Variants in IL15RA observed in about 807,000 individuals in gnomAD.
IL15RA encodes the protein interleukin-15 receptor subunit alpha.
IL15RA carries 26 observed loss-of-function variants against 24.2 expected under a neutral mutation model. The ratio of observed to expected loss-of-function variants is 1.07; its 90% CI spans 0.79 to 1.49. IL15RA has a LOEUF of 1.49. Ranked by LOEUF, IL15RA falls within the 40% of genes most tolerant of loss-of-function variation. IL15RA has a pLI of 0.00. For synonymous variants in IL15RA, 166 were observed against 157.6 expected (o/e 1.05, Z -0.40); for missense variants, 354 against 356.4 (o/e 0.99, Z 0.05).
At position 5,953,042 on chromosome 10, in the gene IL15RA, A is replaced by C. The variant is rs745596081; in HGVS notation, c.*53T>G. ...CACCTCTTCTCAGTCGTCTTTAGCT[A>C]AAGCAGAGAGGCTCCTTCACTCCGG... On this transcript the variant is annotated 3_prime_UTR_variant, in exon 7 of 7. Transcript: ENST00000379977. This position sits in a 1 kb window ranked among gnomAD's most constrained non-coding sequence, Gnocchi z 5.3. 7.5e-6 allele frequency: 10 copies of C among 1,335,278 alleles called. No homozygotes were observed. Among genetic ancestry groups the C allele is most frequent in the Non-Finnish European group, 1.1e-5 (10 of 928,006 alleles). 82.7% of individuals were successfully genotyped at this position (1,335,278 alleles called of 1,614,324 possible). A position where few individuals can be genotyped will look rare whatever the true frequency, so the allele number is the denominator to read the frequency against.
chr10:5,977,988 T>G, upstream of IL15RA: 1 of 174,584 alleles, frequency 5.7e-6, no homozygotes, highest in Non-Finnish European at 1.2e-5. Flanking sequence ...CTGGTCTCCC[T>G]CCGCGGCCCT....
chr10:5,977,417 G>A lies in IL15RA; in HGVS notation c.76C>T (p.Pro26Ser). ...CCCAGCTCCCTACCCCGCGTCGCCG[G>A]CGGCCGGAGCAGCAGCAGCAGTAGC... Reference protein sequence around the residue: ...ALLLLLLLRPPATRGITCPPP... With the variant: ...ALLLLLLLRPSATRGITCPPP... The change falls in exon 1 of 7, where the codon CCG becomes TCG. Residue 26 changes from proline (P) to serine (S), a missense_variant. Coordinates refer to ENST00000379977, the MANE Select transcript of IL15RA (RefSeq NM_002189.4). The A allele has an allele frequency of 2.2e-6, 3 of 1,340,802 alleles. No homozygotes were observed. The highest frequency in any genetic ancestry group is 2.9e-6 in the Non-Finnish European group (3 of 1,047,966). 83.1% of individuals were successfully genotyped at this position (1,340,802 alleles called of 1,614,324 possible). A position where few individuals can be genotyped will look rare whatever the true frequency, so the allele number is the denominator to read the frequency against.
rs1307073748 is a variant in IL15RA at position 5,962,723 on chromosome 10, G to T, written c.382+1020C>A. The stretch of plus-strand genomic sequence containing the variant: ...GACAACTGACACTCCGCAAAGGATG[G>T]CTGAGTCCTGTAGTATGAATGACAA... On this transcript the variant is annotated intron_variant, in intron 3 of 6. Coordinates refer to ENST00000379977, the MANE Select transcript of IL15RA (RefSeq NM_002189.4). The surrounding 1 kb of genome is among the most constrained non-coding windows in gnomAD (Gnocchi z 5.2). 6.6e-6 allele frequency among the ~76,000 whole-genome samples: 1 copy of T among 152,164 alleles called. No homozygotes were observed. The highest frequency in any genetic ancestry group is 1.5e-5 in the Non-Finnish European group (1 of 68,024).
At position 5,953,679 on chromosome 10, in the gene IL15RA, G is replaced by C. The variant is rs1013781396; in HGVS notation, c.693-473C>G. Reference sequence around the variant, plus strand: ...ATGGCAGGAACAAGAGAAGGAGAGAGTGACTGGGAGCCTAGCCAAACCAGA... The same window carrying C: ...ATGGCAGGAACAAGAGAAGGAGAGACTGACTGGGAGCCTAGCCAAACCAGA... On this transcript the variant is annotated intron_variant, in intron 6 of 6. Coordinates refer to ENST00000379977, the MANE Select transcript of IL15RA (RefSeq NM_002189.4). The surrounding 1 kb of genome is among the most constrained non-coding windows in gnomAD (Gnocchi z 5.3). The C allele has an allele frequency of 9.2e-6, 3 of 326,366 alleles. No homozygotes were observed. The highest frequency in any genetic ancestry group is 6.3e-5 in the African/African-American group (3 of 47,992). 20.2% of individuals were successfully genotyped at this position (326,366 alleles called of 1,614,324 possible).
At chr10:5,950,476 C>A (rs953451832), downstream of IL15RA, among the ~76,000 whole-genome samples, 1 of 152,228 alleles carries the variant, frequency 6.6e-6, no homozygotes, top group Non-Finnish European at 1.5e-5. The surrounding 1 kb of genome is among the most constrained non-coding windows in gnomAD (Gnocchi z 5.6). Flanking sequence ...TCTGCCCATT[C>A]ATTCACCCAA....
At chr10:5,977,108 G>C in intron 1 of IL15RA, 1 of 279,182 alleles carries the variant, frequency 3.6e-6, no homozygotes, top group Non-Finnish European at 6.7e-6. Flanking sequence ...TGGCCAAAAC[G>C]GGCTTCTCAG....
At position 5,953,086 on chromosome 10, in the gene IL15RA, C is replaced by T. The variant is rs1322086978; in HGVS notation, c.*9G>A. Reference sequence around the variant, plus strand: ...ACTCCGGACTTAGCTGGGCTGGTTTCCCCGAGTTTCATAGGTGGTGAGAGC... The same window carrying T: ...ACTCCGGACTTAGCTGGGCTGGTTTTCCCGAGTTTCATAGGTGGTGAGAGC... On this transcript the variant is annotated 3_prime_UTR_variant, in exon 7 of 7. Transcript: ENST00000379977. This position sits in a 1 kb window ranked among gnomAD's most constrained non-coding sequence, Gnocchi z 5.3. 5 of 1,599,950 alleles carry T rather than the reference C, an allele frequency of 3.1e-6. No homozygotes were observed. The South Asian group carries it at 3.3e-5, about 11-fold the overall frequency.
rs761993851 is a variant in IL15RA, at chr10:5,962,309, G to C, written c.382+1434C>G. ...CCTTGGCCACTTAAGAACCACCTGT[G>C]GGCTGGGTGCAGTGGCTCACACCTG... On this transcript the variant is annotated intron_variant, in intron 3 of 6. Transcript: ENST00000379977. The surrounding 1 kb of genome is among the most constrained non-coding windows in gnomAD (Gnocchi z 5.2). 6.6e-6 allele frequency among the ~76,000 whole-genome samples: 1 copy of C among 152,084 alleles called. No homozygotes were observed. Among genetic ancestry groups the C allele is most frequent in the Non-Finnish European group, 1.5e-5 (1 of 68,012 alleles).
chr10:5,961,247 C>T lies in IL15RA; in HGVS notation c.383-680G>A, dbSNP rs1040672097. On this transcript the variant is annotated intron_variant, in intron 3 of 6. Coordinates refer to ENST00000379977, the MANE Select transcript of IL15RA (RefSeq NM_002189.4). The surrounding 1 kb of genome is among the most constrained non-coding windows in gnomAD (Gnocchi z 5.2). ...CCTGTTTCTACAAAAATAAGAATAACGATAAATTATCCAGGTGTGGTGGGC... is the reference window on the plus strand; with the variant it reads ...CCTGTTTCTACAAAAATAAGAATAATGATAAATTATCCAGGTGTGGTGGGC... 3.0e-4 allele frequency among the ~76,000 whole-genome samples: 45 copies of T among 152,184 alleles called. No individual in the cohort carries two copies. The highest frequency in any genetic ancestry group is 1.0e-3 in the African/African-American group (42 of 41,514).
intron 1 of IL15RA, 136 bp downstream of exon 1, chr10:5,977,269 G>T (rs1249301440): frequency 2.5e-6 from 1 of 396,770 alleles, no homozygotes; most frequent in Non-Finnish European, 4.3e-6. Flanking sequence ...CCCGGCCTGG[G>T]CCTGCGCGCA....
rs945438141 is a variant in IL15RA, at chr10:5,960,628, A to C, written c.383-61T>G. On this transcript the variant is annotated intron_variant, in intron 3 of 6. Transcript: ENST00000379977. This position sits in a 1 kb window ranked among gnomAD's most constrained non-coding sequence, Gnocchi z 5.1. ...TGCAGACTCCCCTCCTCTCAGCTGCAGCACGGGGTGATGTGGGAGCTGCCA... is the reference window on the plus strand; with the variant it reads ...TGCAGACTCCCCTCCTCTCAGCTGCCGCACGGGGTGATGTGGGAGCTGCCA... 121 of 1,434,048 alleles carry C rather than the reference A, an allele frequency of 8.4e-5. No individual in the cohort carries two copies. The highest frequency in any genetic ancestry group is 1.1e-4 in the Non-Finnish European group (116 of 1,029,310). 88.8% of individuals were successfully genotyped at this position (1,434,048 alleles called of 1,614,324 possible). A position where few individuals can be genotyped will look rare whatever the true frequency, so the allele number is the denominator to read the frequency against.
At chr10:5,951,141 CAAAAAAAAAAA>C (rs60771366), downstream of IL15RA, among the ~76,000 whole-genome samples, 215 of 35,958 alleles carry the variant, frequency 6.0e-3, 1 homozygote, top group African/African-American at 0.02. Context: ...GACTCAGTCT[CAAAAAAAAAAA>C]AAAAAAAAAA....
rs1425566458 is a variant in IL15RA at position 5,971,900 on chromosome 10, G to C, written c.88+5505C>G. ...TGCCAGGTGAATTTCTCCATAACTC[G>C]AATCCTTAAATAATGATTATTGGAG... On this transcript the variant is annotated intron_variant, in intron 1 of 6. Transcript: ENST00000379977. This position sits in a 1 kb window ranked among gnomAD's most constrained non-coding sequence, Gnocchi z 5.5. Among the ~76,000 whole-genome samples, 1 of 152,098 alleles carries C rather than the reference G, an allele frequency of 6.6e-6. No individual in the cohort carries two copies. The highest frequency in any genetic ancestry group is 1.5e-5 in the Non-Finnish European group (1 of 68,022).
At position 5,968,169 on chromosome 10, in the gene IL15RA, A is replaced by G. The variant is rs923391692; in HGVS notation, c.89-1830T>C. Among the ~76,000 whole-genome samples, 59 of 152,342 alleles carry G rather than the reference A, an allele frequency of 3.9e-4. No homozygotes were observed. The highest frequency in any genetic ancestry group is 3.4e-3 in the Middle Eastern group (1 of 294). ...CACGGAGAGAATTCTTATAAAAATC[A>G]ACACAAGACAAATACCCTAATGGCC... On this transcript the variant is annotated intron_variant, in intron 1 of 6. Transcript: ENST00000379977. The surrounding 1 kb of genome is among the most constrained non-coding windows in gnomAD (Gnocchi z 5.4).
rs1318597667 is a variant in IL15RA, at chr10:5,958,980, C to A, written c.616+774G>T. 6.6e-6 allele frequency among the ~76,000 whole-genome samples: 1 copy of A among 152,022 alleles called. No individual in the cohort carries two copies. The highest frequency in any genetic ancestry group is 1.5e-5 in the Non-Finnish European group (1 of 68,012). ...CTTCTTCCTCCTGTTCTCCCCTCCTCTCTCAGCTCTCCTCCCCTCCCTTCA... is the reference window on the plus strand; with the variant it reads ...CTTCTTCCTCCTGTTCTCCCCTCCTATCTCAGCTCTCCTCCCCTCCCTTCA... On this transcript the variant is annotated intron_variant, in intron 5 of 6. Transcript: ENST00000379977. This position sits in a 1 kb window ranked among gnomAD's most constrained non-coding sequence, Gnocchi z 4.3.
rs1055365989 is a variant in IL15RA at position 5,960,425 on chromosome 10, G to T, written c.525C>A (p.Pro175=). The T allele has an allele frequency of 6.2e-7, 1 of 1,613,796 alleles. No individual in the cohort carries two copies. Among genetic ancestry groups the T allele is most frequent in the Non-Finnish European group, 8.5e-7 (1 of 1,179,756 alleles). The change falls in exon 4 of 7, where the codon CCC becomes CCA. Residue 175 remains proline, a synonymous_variant. Transcript: ENST00000379977. This position sits in a 1 kb window ranked among gnomAD's most constrained non-coding sequence, Gnocchi z 5.1. ...CCCAGTTCTTGGCTGTTGTCTGAGA[G>T]GGGGTGCCGTGGGAGGACTCATGAC... ...ISSHESSHGT[P]SQTTAKNWEL...
At position 5,953,310 on chromosome 10, in the gene IL15RA, A is replaced by C. The variant is rs762273243; in HGVS notation, c.693-104T>G. The C allele has an allele frequency of 1.2e-6, 1 of 832,776 alleles. No homozygotes were observed. The highest frequency in any genetic ancestry group is 1.7e-5 in the African/African-American group (1 of 59,806). The allele number at this position is 832,776 out of a possible 1,614,324, so 51.6% of individuals were successfully genotyped here. On this transcript the variant is annotated intron_variant, in intron 6 of 6. Transcript: ENST00000379977. The surrounding 1 kb of genome is among the most constrained non-coding windows in gnomAD (Gnocchi z 5.3). ...GTATGTCCAGCACTGCGGGGATGGC[A>C]GGAGCAGACAGAGGCCCTGCCACGG... is the stretch of plus-strand genomic sequence containing the variant.
rs866813825 is a variant in IL15RA, at chr10:5,962,615, A to G, written c.382+1128T>C. 2.5e-4 allele frequency among the ~76,000 whole-genome samples: 36 copies of G among 146,188 alleles called. No homozygotes were observed. The highest frequency in any genetic ancestry group is 3.4e-4 in the Admixed American group (5 of 14,600). ...TCAAAAAAAAAAAAAAAAAAGATCC[A>G]CCTGGGGCTGGAGAGGCGTGAGTCC... On this transcript the variant is annotated intron_variant, in intron 3 of 6. Transcript: ENST00000379977. The surrounding 1 kb of genome is among the most constrained non-coding windows in gnomAD (Gnocchi z 5.2).
intron 5 of IL15RA, among the ~76,000 whole-genome samples, chr10:5,957,336 C>A (rs1013090318): frequency 6.6e-6 from 1 of 151,924 alleles, no homozygotes; most frequent in Non-Finnish European, 1.5e-5. Flanking sequence ...AGTGCAGTGG[C>A]GTGATCTCAG....
Sources: gnomAD v4.1 joint callset for allele counts (sites outside exome capture counted in the v4.1 genomes callset) on GRCh38, gnomAD v4.1.1 for gene constraint, Gnocchi (gnomAD v3.1) non-coding constraint, MANE v1.5 for transcripts, NCBI Gene and HGNC (gene_info 2026-07-23, HGNC 2026-07-21) for gene names.